ESF1: variants seen among roughly 807,000 people sequenced by gnomAD.
ESF1 encodes the protein ESF1 homolog.
Under a neutral mutation model 92.0 loss-of-function variants are expected in ESF1, and 58 were observed. The ratio of observed to expected loss-of-function variants is 0.63; its 90% CI spans 0.51 to 0.78. ESF1 has a LOEUF of 0.78. ESF1 is among the 30% of genes least tolerant of loss of function. The probability of loss-of-function intolerance (pLI) is 0.00; values close to 1 mark genes in which losing one functional copy is unlikely to be tolerated. For synonymous variants in ESF1, 321 were observed against 313.7 expected, an observed-to-expected ratio of 1.02 and a Z score of -0.24; for missense variants, 922 against 989.1, an observed-to-expected ratio of 0.93 and a Z score of 0.91.
chr20:13,778,301 T>C (rs1568730292), intron 2 of ESF1, among the ~76,000 whole-genome samples: 1 of 152,072 alleles, frequency 6.6e-6, no homozygotes, highest in East Asian at 1.9e-4. Context: ...AGGTTCTATA[T>C]ATGAGATCTG....
chr20:13,717,378 T>A lies in ESF1; in HGVS notation c.2252A>T (p.Asp751Val). The change falls in exon 13 of 14, where the codon GAT becomes GTT. Residue 751 changes from aspartate (D) to valine (V), a missense_variant. Coordinates refer to ENST00000617257, the MANE Select transcript of ESF1 (RefSeq NM_001276380.2). ...GGTGTCTATGGTTACCTCAAAGTCA[T>A]CCTCTATTAATTCCTTCTTTTTCAT... Reference protein sequence around the residue: ...QLMKKKELIEDDFEVNVNDAR... With the variant: ...QLMKKKELIEVDFEVNVNDAR... The A allele has an allele frequency of 6.2e-7, 1 of 1,613,944 alleles. No individual in the cohort carries two copies. The highest frequency in any genetic ancestry group is 8.5e-7 in the Non-Finnish European group (1 of 1,179,864).
At chr20:13,774,296 T>C (rs958461765) in intron 4 of ESF1, among the ~76,000 whole-genome samples, 5 of 152,292 alleles carry the variant, frequency 3.3e-5, no homozygotes, top group Middle Eastern at 6.8e-3. Context: ...TCCAAACTTT[T>C]TGACTGTCAA....
At chr20:13,729,656 T>A (rs2049928549) in intron 10 of ESF1, among the ~76,000 whole-genome samples, 1 of 152,124 alleles carries the variant, frequency 6.6e-6, no homozygotes. Flanking sequence ...AAGAAAAGAA[T>A]TTTTATTATG....
intron 9 of ESF1, among the ~76,000 whole-genome samples, chr20:13,748,457 TACATATATAC>T (rs1214754917): frequency 1.4e-5 from 1 of 72,592 alleles, no homozygotes; most frequent in Admixed American, 1.4e-4. Flanking sequence ...TACATATATA[TACATATATAC>T]ACATATATAC....
chr20:13,779,575 C>T (rs1980089435), intron 2 of ESF1, among the ~76,000 whole-genome samples: 1 of 152,174 alleles, frequency 6.6e-6, no homozygotes, highest in African/African-American at 2.4e-5. Flanking sequence ...TGCTCTGTTG[C>T]CCAGGCTGGA....
At chr20:13,777,075 T>C (rs1313151603) in intron 2 of ESF1, among the ~76,000 whole-genome samples, 5 of 152,164 alleles carry the variant, frequency 3.3e-5, no homozygotes, top group East Asian at 1.9e-4. Context: ...GACTTGCATA[T>C]TGAGGAGATC....
Position 13,715,175 on chromosome 20 carries a change from T to TA in ESF1, c.2263-9_2263-8insT. The TA allele has an allele frequency of 1.5e-6, 2 of 1,378,038 alleles. No homozygotes were observed. The highest frequency in any genetic ancestry group is 1.9e-5 in the South Asian group (1 of 51,904). The allele number at this position is 1,378,038 out of a possible 1,614,324, so 85.4% of individuals were successfully genotyped here. A position where few individuals can be genotyped will look rare whatever the true frequency, so the allele number is the denominator to read the frequency against. ...TGCATCGTTAACATTTACCTGCAAA[T>TA]CCAAAAAAAAAAAAAATTAATAAAT... On this transcript the variant is annotated splice_polypyrimidine_tract_variant and intron_variant, in intron 13 of 13. Coordinates refer to ENST00000617257, the MANE Select transcript of ESF1 (RefSeq NM_001276380.2).
At chr20:13,739,746 A>T (rs901958361) in intron 9 of ESF1, among the ~76,000 whole-genome samples, 3 of 151,836 alleles carry the variant, frequency 2.0e-5, no homozygotes, top group Admixed American at 2.0e-4. Flanking sequence ...AAGAAAGCTC[A>T]AACGGAAATA....
rs544745669 is a variant in ESF1, at chr20:13,730,827, A to G, written c.1951-2362T>C. Among the ~76,000 whole-genome samples the G allele has an allele frequency of 3.3e-5, 5 of 152,208 alleles. No individual in the cohort carries two copies. The South Asian group carries it at 8.3e-4, about 25-fold the overall frequency. Reference sequence around the variant, plus strand: ...TGCTTTATAGATCTCAACAACAGCTAGATCAAAATACTAGATAACACGGCA... The same window carrying G: ...TGCTTTATAGATCTCAACAACAGCTGGATCAAAATACTAGATAACACGGCA... On this transcript the variant is annotated intron_variant, in intron 10 of 13. Coordinates refer to ENST00000617257, the MANE Select transcript of ESF1 (RefSeq NM_001276380.2).
intron 10 of ESF1, among the ~76,000 whole-genome samples, chr20:13,729,722 G>A (rs977693856): frequency 4.6e-5 from 7 of 152,062 alleles, no homozygotes; most frequent in African/African-American, 1.4e-4. Context: ...TGTTCTCATC[G>A]CCCAATTTTA....
rs544758018 is a variant in ESF1 at position 13,759,946 on chromosome 20, T to C, written c.1667-93A>G. ...GTCACTCTCTTTTAAAAGATGCTGT[T>C]AGACCACAGGATATCAAAATCAGAC... is the stretch of plus-strand genomic sequence containing the variant. On this transcript the variant is annotated intron_variant, in intron 8 of 13. Coordinates refer to ENST00000617257, the MANE Select transcript of ESF1 (RefSeq NM_001276380.2). 4.7e-5 allele frequency: 68 copies of C among 1,445,532 alleles called. No homozygotes were observed. The South Asian group carries it at 9.0e-4, about 19-fold the overall frequency. 89.5% of individuals were successfully genotyped at this position (1,445,532 alleles called of 1,614,324 possible). A position where few individuals can be genotyped will look rare whatever the true frequency, so the allele number is the denominator to read the frequency against.
intron 10 of ESF1, 44 bp downstream of exon 10, chr20:13,733,677 T>C (rs1348600028): frequency 1.9e-6 from 3 of 1,579,976 alleles, no homozygotes; most frequent in Non-Finnish European, 2.6e-6. Context: ...ATCTGATATA[T>C]GGTTGGTATT....
chr20:13,739,792 G>A (rs1422790188), intron 9 of ESF1, among the ~76,000 whole-genome samples: 1 of 152,012 alleles, frequency 6.6e-6, no homozygotes, highest in Non-Finnish European at 1.5e-5. Context: ...TTTCCTTGGG[G>A]ACAAACACTG....
intron 9 of ESF1, among the ~76,000 whole-genome samples, chr20:13,740,294 C>T (rs1342756938): frequency 2.0e-5 from 3 of 151,970 alleles, no homozygotes; most frequent in Non-Finnish European, 4.4e-5. Flanking sequence ...ACCATAAAGA[C>T]TATGAATATT....
chr20:13,754,522 G>A (rs957448413), intron 9 of ESF1, among the ~76,000 whole-genome samples: 1 of 151,916 alleles, frequency 6.6e-6, no homozygotes, highest in Non-Finnish European at 1.5e-5. Flanking sequence ...ATAACCAACT[G>A]ATTCCTTGGC....
chr20:13,771,496 A>C lies in ESF1; in HGVS notation c.1251-13T>G. The C allele has an allele frequency of 6.2e-7, 1 of 1,605,380 alleles. No individual in the cohort carries two copies. Among genetic ancestry groups the C allele is most frequent in the African/African-American group, 1.3e-5 (1 of 74,616 alleles). ...TTCTCTAGACGTCCTAAAGTGGGAA[A>C]AACTTATTAAGCATACTTATACAGA... On this transcript the variant is annotated splice_polypyrimidine_tract_variant and intron_variant, in intron 5 of 13. Coordinates refer to ENST00000617257, the MANE Select transcript of ESF1 (RefSeq NM_001276380.2).
intron 11 of ESF1, among the ~76,000 whole-genome samples, chr20:13,719,575 A>G (rs2049853735): frequency 1.5e-5 from 2 of 135,512 alleles, no homozygotes; most frequent in South Asian, 4.5e-4. Context: ...AATTTGTTTC[A>G]TTCTGGAAAA....
chr20:13,749,625 G>A (rs1978530362), intron 9 of ESF1, among the ~76,000 whole-genome samples: 3 of 151,994 alleles, frequency 2.0e-5, no homozygotes, highest in Admixed American at 6.6e-5. Flanking sequence ...GAGTATAGTG[G>A]CATGATCTCG....
At position 13,782,468 on chromosome 20, in the gene ESF1, G is replaced by T. The variant is rs1416273316; in HGVS notation, c.637+36C>A. 1.1e-5 allele frequency: 16 copies of T among 1,458,116 alleles called. No individual in the cohort carries two copies. In the Middle Eastern group the frequency reaches 7.3e-4, roughly 67 times the overall value. The allele number at this position is 1,458,116 out of a possible 1,614,324, so 90.3% of individuals were successfully genotyped here. On this transcript the variant is annotated intron_variant, in intron 2 of 13. Coordinates refer to ENST00000617257, the MANE Select transcript of ESF1 (RefSeq NM_001276380.2). ...AAAGATCAGTATAAAAATAAATAAT[G>T]TAACACCCAAGAATCTCTAATTTTT...
Sources: allele counts gnomAD v4.1 joint callset (sites outside exome capture counted in the v4.1 genomes callset), GRCh38; gene constraint gnomAD v4.1.1; transcripts MANE v1.5; gene names NCBI Gene and HGNC (gene_info 2026-07-23, HGNC 2026-07-21).